Variants in TP73 observed in about 807,000 individuals in gnomAD.
The protein encoded by TP73 is tumor protein p73, also known as p53-like transcription factor.
TP73 carries 25 observed loss-of-function variants against 62.5 expected under a neutral mutation model. That is an observed-to-expected ratio of 0.40 (90% confidence interval 0.29 to 0.56). TP73 has a LOEUF of 0.56. Among genes scored for constraint, TP73 ranks in the 20% least tolerant of loss-of-function variants. The pLI, the probability that TP73 is intolerant of heterozygous loss-of-function variation, is 0.46. For missense variants in TP73, 754 were observed against 913.3 expected, an observed-to-expected ratio of 0.83 and a Z score of 2.25; for synonymous variants, 423 against 377.5, an observed-to-expected ratio of 1.12 and a Z score of -1.40.
At chr1:3,711,159 G>A (rs1640108437) in intron 4 of TP73, among the ~76,000 whole-genome samples, 1 of 152,264 alleles carries the variant, frequency 6.6e-6, no homozygotes, top group African/African-American at 2.4e-5. Context: ...CAGCCATGGT[G>A]GGGACAAAGG....
chr1:3,706,220 T>C (rs1639614118), intron 3 of TP73, among the ~76,000 whole-genome samples: 1 of 152,182 alleles, frequency 6.6e-6, no homozygotes, highest in African/African-American at 2.4e-5. Flanking sequence ...GTGACCTTTG[T>C]GCCGTCTGCT....
At chr1:3,686,416 G>A (rs147881547) in intron 3 of TP73, among the ~76,000 whole-genome samples, 7 of 152,284 alleles carry the variant, frequency 4.6e-5, no homozygotes, top group African/African-American at 1.7e-4. Context: ...GTGAAGCTGG[G>A]GTGACAGGGG....
chr1:3,708,702 G>A (rs1639879279), intron 4 of TP73, among the ~76,000 whole-genome samples: 5 of 152,204 alleles, frequency 3.3e-5, no homozygotes, highest in Admixed American at 3.3e-4. Context: ...GCCAGGAGTG[G>A]AGGGCACGCA....
At chr1:3,657,797 C>A (rs965646875) in intron 1 of TP73, among the ~76,000 whole-genome samples, 2 of 152,206 alleles carry the variant, frequency 1.3e-5, no homozygotes, top group African/African-American at 4.8e-5. Context: ...TCCCGCCTGG[C>A]GCCTCCTCCA....
intron 1 of TP73, among the ~76,000 whole-genome samples, chr1:3,656,746 G>A (rs1000868729): frequency 3.3e-5 from 5 of 152,214 alleles, no homozygotes; most frequent in African/African-American, 4.8e-5. Flanking sequence ...CATTCAGGCC[G>A]GAAGGGCCCT....
chr1:3,683,163 A>G lies in TP73; in HGVS notation c.169A>G (p.Met57Val). ...SSMDVFHLEGMTTSVMAQFNL... is the reference protein window; with the variant it reads ...SSMDVFHLEGVTTSVMAQFNL... ...CATGGACGTCTTCCACCTGGAGGGCATGACTACATCTGTCATGGTGAGTGG... is the reference window on the plus strand; with the variant it reads ...CATGGACGTCTTCCACCTGGAGGGCGTGACTACATCTGTCATGGTGAGTGG... Residue 57 changes from methionine to valine, a missense_variant, in exon 3 of 14, where the codon ATG (methionine) becomes GTG (valine). Transcript: ENST00000378295. The G allele has an allele frequency of 1.2e-6, 2 of 1,611,060 alleles. No individual in the cohort carries two copies. Among genetic ancestry groups the G allele is most frequent in the Non-Finnish European group, 1.7e-6 (2 of 1,178,308 alleles).
At chr1:3,695,724 G>A (rs1638587894) in intron 3 of TP73, among the ~76,000 whole-genome samples, 1 of 152,260 alleles carries the variant, frequency 6.6e-6, no homozygotes, top group South Asian at 2.1e-4. Flanking sequence ...CTGTACGTGG[G>A]GCTACGGAAC....
In TP73 at chr1:3,733,300, G is replaced by A. The variant is rs1438867747; in HGVS notation, c.*221G>A. 9.8e-6 allele frequency: 6 copies of A among 614,658 alleles called. No homozygotes were observed. The East Asian group carries it at 1.7e-4, about 17-fold the overall frequency. The allele number at this position is 614,658 out of a possible 1,614,324, so 38.1% of individuals were successfully genotyped here. A position where few individuals can be genotyped will look rare whatever the true frequency, so the allele number is the denominator to read the frequency against. ...TGAGTCACCTGCAGAACCTTCTGGA[G>A]CTGCCCTAGTGCTGGGCTTGTGGGG... On this transcript the variant is annotated 3_prime_UTR_variant, in exon 14 of 14. Coordinates refer to ENST00000378295, the MANE Select transcript of TP73 (RefSeq NM_005427.4).
intron 1 of TP73, among the ~76,000 whole-genome samples, chr1:3,661,672 T>G (rs1193556414): frequency 6.6e-6 from 1 of 150,588 alleles, no homozygotes; most frequent in African/African-American, 2.4e-5. Context: ...ATCGCACCAC[T>G]GTACTCCAGC....
intron 1 of TP73, among the ~76,000 whole-genome samples, chr1:3,673,736 T>G (rs1645296906): frequency 6.6e-6 from 1 of 152,298 alleles, no homozygotes; most frequent in Non-Finnish European, 1.5e-5. Flanking sequence ...CAAGAAGGCC[T>G]GGGCAGGCAG....
At chr1:3,726,467 GGATT>G (rs61728693) in intron 6 of TP73, among the ~76,000 whole-genome samples, 15,488 of 133,112 alleles carry the variant, frequency 0.12, 2,163 homozygotes, top group African/African-American at 0.33. Context: ...GTGGATGGAT[GGATT>G]GATATTGAAT....
At chr1:3,722,309 T>C (rs1421411765) in intron 5 of TP73, 102 bp downstream of exon 5, 2 of 1,417,336 alleles carry the variant, frequency 1.4e-6, no homozygotes, top group East Asian at 2.5e-5. Context: ...GCTGACAGCA[T>C]GGGCTTAGCC....
rs184527363 is a variant in TP73 at position 3,703,050 on chromosome 1, C to G, written c.187-4499C>G. ...GAGTCCCCCGAGCCAGGTGGAGGGG[C>G]TTGTGGAGGATGCCTGGGGAGGCCT... is the stretch of plus-strand genomic sequence containing the variant. On this transcript the variant is annotated intron_variant, in intron 3 of 13. Transcript: ENST00000378295. Among the ~76,000 whole-genome samples the G allele has an allele frequency of 2.3e-3, 343 of 152,248 alleles. 1 individual carries two copies. The highest frequency in any genetic ancestry group is 8.1e-3 in the African/African-American group (336 of 41,556).
In TP73 at chr1:3,728,145, C is replaced by T; in HGVS notation, c.1002C>T (p.Pro334=). Residue 334 remains proline, a synonymous_variant, in exon 9 of 14, where the codon CCC becomes CCT. Coordinates refer to ENST00000378295, the MANE Select transcript of TP73 (RefSeq NM_005427.4). ...AASKRAFKQS[P]PAVPALGAGV... ...GCCTTCCAGCCTTCAAGCAGAGCCCCCCTGCCGTCCCCGCCCTTGGTGCCG... is the reference window on the plus strand; with the variant it reads ...GCCTTCCAGCCTTCAAGCAGAGCCCTCCTGCCGTCCCCGCCCTTGGTGCCG... 6.2e-7 allele frequency: 1 copy of T among 1,611,298 alleles called. No homozygotes were observed. The highest frequency in any genetic ancestry group is 8.5e-7 in the Non-Finnish European group (1 of 1,179,904).
intron 13 of TP73, 120 bp downstream of exon 13, chr1:3,731,676 G>A (rs998272696): frequency 1.8e-5 from 16 of 902,284 alleles, no homozygotes; most frequent in African/African-American, 6.6e-5. Flanking sequence ...CCTTTCCCAC[G>A]GGCAAGCAGA....
At chr1:3,725,251 A>G (rs1641410226) in intron 6 of TP73, among the ~76,000 whole-genome samples, 1 of 152,132 alleles carries the variant, frequency 6.6e-6, no homozygotes, top group African/African-American at 2.4e-5. Flanking sequence ...TGGGGCAAAC[A>G]GACCACAGGA....
At chr1:3,673,060 C>A (rs1314572074) in intron 1 of TP73, among the ~76,000 whole-genome samples, 5 of 152,240 alleles carry the variant, frequency 3.3e-5, no homozygotes, top group Non-Finnish European at 7.3e-5. Context: ...CCAGGGTTAT[C>A]TGTTTACCGC....
Position 3,696,067 on chromosome 1 carries a change from C to T in TP73, c.187-11482C>T, listed in dbSNP as rs1489457571. Among the ~76,000 whole-genome samples the T allele has an allele frequency of 6.6e-6, 1 of 152,184 alleles. No individual in the cohort carries two copies. The highest frequency in any genetic ancestry group is 2.4e-5 in the African/African-American group (1 of 41,428). On this transcript the variant is annotated intron_variant, in intron 3 of 13. Coordinates refer to ENST00000378295, the MANE Select transcript of TP73 (RefSeq NM_005427.4). This position sits in a 1 kb window ranked among gnomAD's most constrained non-coding sequence, Gnocchi z 4.1. ...TGCATAGCTGAGAAGGAGCCGCATGCAGGGAGGAGGACGACGAGCGAGCAG... is the reference window on the plus strand; with the variant it reads ...TGCATAGCTGAGAAGGAGCCGCATGTAGGGAGGAGGACGACGAGCGAGCAG...
At chr1:3,718,278 G>C (rs1282920796) in intron 4 of TP73, among the ~76,000 whole-genome samples, 1 of 152,218 alleles carries the variant, frequency 6.6e-6, no homozygotes, top group Non-Finnish European at 1.5e-5. Flanking sequence ...TCTTGCAGAC[G>C]GGAGTCCCTC....
Sources: allele counts gnomAD v4.1 joint callset (sites outside exome capture counted in the v4.1 genomes callset), GRCh38; gene constraint gnomAD v4.1.1; non-coding constraint Gnocchi (gnomAD v3.1); transcripts MANE v1.5; gene names NCBI Gene and HGNC (gene_info 2026-07-23, HGNC 2026-07-21).